CHLSN: variants seen among roughly 807,000 people sequenced by gnomAD.
CHLSN encodes the protein protein cholesin.
the CHLSN span, among the ~76,000 whole-genome samples, chr7:1,101,624 G>C: frequency 9.2e-5 from 14 of 152,232 alleles, no homozygotes; most frequent in Non-Finnish European, 1.8e-4. Context: ...CAGCCGCCCA[G>C]GTTCCTTGCA....
the CHLSN span, among the ~76,000 whole-genome samples, chr7:1,065,659 C>T: frequency 1.8e-4 from 28 of 152,246 alleles, no homozygotes; most frequent in African/African-American, 6.0e-4. Context: ...TCTGGGAGGG[C>T]GTGGGCCAGG....
At chr7:1,131,787 A>G in the CHLSN span, among the ~76,000 whole-genome samples, 4 of 152,342 alleles carry the variant, frequency 2.6e-5, no homozygotes, top group Admixed American at 1.3e-4. Flanking sequence ...AAACTTAATC[A>G]CTATGTCTAT....
chr7:1,108,921 G>A, the CHLSN span, among the ~76,000 whole-genome samples: 1 of 143,706 alleles, frequency 7.0e-6, no homozygotes, highest in Non-Finnish European at 1.5e-5. Context: ...TTTTGAGACG[G>A]AGTCTCGCTC....
At chr7:984,393 C>T in the CHLSN span, 1 of 1,544,150 alleles carries the variant, frequency 6.5e-7, no homozygotes, top group African/African-American at 1.4e-5. Context: ...GCCCGGGTGA[C>T]CCCCGCCATC....
At chr7:1,037,459 C>G in the CHLSN span, among the ~76,000 whole-genome samples, 2 of 128,960 alleles carry the variant, frequency 1.6e-5, no homozygotes, top group African/African-American at 5.8e-5. Flanking sequence ...TTGGCCGGGC[C>G]GGTCTCCAGC....
chr7:1,076,596 T>C, the CHLSN span, among the ~76,000 whole-genome samples: 1 of 152,212 alleles, frequency 6.6e-6, no homozygotes, highest in South Asian at 2.1e-4. Context: ...CGGGGAGGGA[T>C]GTAAGAAAGG....
At chr7:1,004,177 C>T in the CHLSN span, among the ~76,000 whole-genome samples, 1 of 152,082 alleles carries the variant, frequency 6.6e-6, no homozygotes, top group Non-Finnish European at 1.5e-5. Context: ...TCGTCGTCTG[C>T]TCCCCGGATG....
the CHLSN span, among the ~76,000 whole-genome samples, chr7:980,608 C>T: frequency 6.6e-6 from 1 of 152,024 alleles, no homozygotes; most frequent in African/African-American, 2.4e-5. Context: ...TATGCACACC[C>T]GGCCATGCCC....
the CHLSN span, among the ~76,000 whole-genome samples, chr7:1,071,082 C>G: frequency 3.3e-5 from 5 of 152,258 alleles, no homozygotes; most frequent in Admixed American, 3.3e-4. Context: ...ATGGAGTAGC[C>G]TCCTCCAGGG....
chr7:988,262 C>T, the CHLSN span: 20 of 1,564,142 alleles, frequency 1.3e-5, no homozygotes, highest in East Asian at 4.5e-5. Flanking sequence ...CTCTGTGCCC[C>T]GGCTGCCCCC....
the CHLSN span, among the ~76,000 whole-genome samples, chr7:1,001,132 T>C: frequency 1.6e-3 from 244 of 151,966 alleles, 2 homozygotes; most frequent in African/African-American, 5.7e-3. Context: ...GCGCTGTGGG[T>C]AGGGCAGGGC....
the CHLSN span, among the ~76,000 whole-genome samples, chr7:1,113,926 G>A: frequency 9.2e-5 from 14 of 152,340 alleles, no homozygotes; most frequent in Non-Finnish European, 1.9e-4. Context: ...TCCAGGGAGC[G>A]AATGGAGAGG....
chr7:1,053,615 G>A, the CHLSN span, among the ~76,000 whole-genome samples: 1 of 152,202 alleles, frequency 6.6e-6, no homozygotes, highest in South Asian at 2.1e-4. Context: ...ATCACCTGAG[G>A]TCGGGAGTTC....
At chr7:1,062,461 T>A in the CHLSN span, among the ~76,000 whole-genome samples, 17,452 of 152,234 alleles carry the variant, frequency 0.11, 1,227 homozygotes, top group Middle Eastern at 0.26. Context: ...CAGGAGTGGT[T>A]CCACTTCACA....
At chr7:1,116,080 T>C in the CHLSN span, among the ~76,000 whole-genome samples, 4 of 105,870 alleles carry the variant, frequency 3.8e-5, 1 homozygote, top group Non-Finnish European at 5.8e-5. Context: ...CGCAGGATGA[T>C]GACATCACTA....
At chr7:1,090,775 G>A in the CHLSN span, among the ~76,000 whole-genome samples, 1 of 152,166 alleles carries the variant, frequency 6.6e-6, no homozygotes, top group Non-Finnish European at 1.5e-5. Flanking sequence ...AAACATATTA[G>A]GTTTTACAAT....
the CHLSN span, among the ~76,000 whole-genome samples, chr7:1,102,714 C>T: frequency 9.9e-5 from 15 of 152,210 alleles, no homozygotes; most frequent in East Asian, 1.9e-4. Context: ...CGCCCCTTTC[C>T]GTGAGGGTGG....
the CHLSN span, among the ~76,000 whole-genome samples, chr7:1,127,673 C>CCT: frequency 2.9e-5 from 2 of 68,206 alleles, no homozygotes; most frequent in Non-Finnish European, 4.0e-5. Flanking sequence ...CTCATCCCAC[C>CCT]GTCACCCGGG....
the CHLSN span, chr7:1,000,388 TCAG>T: frequency 2.8e-5 from 31 of 1,115,894 alleles, no homozygotes; most frequent in East Asian, 9.9e-4. Flanking sequence ...TGCACACACC[TCAG>T]CCCCCGGGGG....
Sources: gnomAD v4.1 joint callset for allele counts (sites outside exome capture counted in the v4.1 genomes callset) on GRCh38, gnomAD v4.1.1 for gene constraint, MANE v1.5 for transcripts, NCBI Gene and HGNC (gene_info 2026-07-23, HGNC 2026-07-21) for gene names.